CX3CR1: variants seen among roughly 807,000 people sequenced by gnomAD.
The protein encoded by CX3CR1 is C-X3-C motif chemokine receptor 1, also known as CX3C chemokine receptor 1.
For missense variants in CX3CR1, 363 were observed against 432.4 expected, an observed-to-expected ratio of 0.84 and a Z score of 1.42; for synonymous variants, 168 against 178.5, an observed-to-expected ratio of 0.94 and a Z score of 0.47.
upstream of CX3CR1, among the ~76,000 whole-genome samples, chr3:39,282,547 C>T (rs183158507): frequency 1.3e-5 from 2 of 152,268 alleles, no homozygotes; most frequent in Admixed American, 6.5e-5. Context: ...GGAGGCCAGA[C>T]AGAGAGGCTG....
At chr3:39,280,748 T>C (rs1267144674), upstream of CX3CR1, among the ~76,000 whole-genome samples, 1 of 152,200 alleles carries the variant, frequency 6.6e-6, no homozygotes, top group African/African-American at 2.4e-5. Context: ...CCTGCCACTC[T>C]TGCCCTGCAG....
intron 1 of CX3CR1, among the ~76,000 whole-genome samples, chr3:39,268,128 G>A (rs2040727655): frequency 6.6e-6 from 1 of 152,194 alleles, no homozygotes; most frequent in Non-Finnish European, 1.5e-5. Context: ...GGCCCACCCA[G>A]CCAGGGTGTG....
intron 1 of CX3CR1, among the ~76,000 whole-genome samples, chr3:39,269,476 A>T (rs932611542): frequency 1.3e-5 from 2 of 152,230 alleles, no homozygotes; most frequent in Non-Finnish European, 2.9e-5. Context: ...TGTCTTCTCA[A>T]TGGGGAAAAT....
At chr3:39,274,481 C>CAA (rs10663570) in intron 1 of CX3CR1, among the ~76,000 whole-genome samples, 49,064 of 88,032 alleles carry the variant, frequency 0.56, 14,129 homozygotes, top group East Asian at 0.73. Flanking sequence ...CAACCACCAC[C>CAA]AAAAAAAAAA....
chr3:39,278,393 G>A (rs939191738), intron 1 of CX3CR1, among the ~76,000 whole-genome samples: 38 of 152,104 alleles, frequency 2.5e-4, no homozygotes, highest in Middle Eastern at 3.2e-3. Context: ...CATTCCCAGG[G>A]GTTTTGAACC....
At chr3:39,271,737 G>A (rs1398333679) in intron 1 of CX3CR1, among the ~76,000 whole-genome samples, 1 of 152,194 alleles carries the variant, frequency 6.6e-6, no homozygotes, top group African/African-American at 2.4e-5. Context: ...GCATGTGAAG[G>A]CACCATTTAC....
chr3:39,278,107 A>T (rs1327825672), intron 1 of CX3CR1, among the ~76,000 whole-genome samples: 2 of 152,160 alleles, frequency 1.3e-5, no homozygotes, highest in African/African-American at 4.8e-5. Flanking sequence ...TCATTCCTTC[A>T]TTCCAAAGCC....
At chr3:39,272,648 T>C (rs570855220) in intron 1 of CX3CR1, among the ~76,000 whole-genome samples, 10 of 152,354 alleles carry the variant, frequency 6.6e-5, no homozygotes, top group African/African-American at 2.4e-4. Flanking sequence ...GTTTTTACCC[T>C]CCTGGTCTCT....
upstream of CX3CR1, among the ~76,000 whole-genome samples, chr3:39,280,829 C>T (rs1324589580): frequency 6.6e-6 from 1 of 152,236 alleles, no homozygotes; most frequent in Non-Finnish European, 1.5e-5. Flanking sequence ...GGGGCGACTG[C>T]AACGTGAATC....
At chr3:39,281,142 C>T, upstream of CX3CR1, 1 of 1,003,990 alleles carries the variant, frequency 1.0e-6, no homozygotes, top group Non-Finnish European at 1.2e-6. Flanking sequence ...CTGGGGGCTG[C>T]AGTGCAGTGC....
Position 39,265,646 on chromosome 3 carries a change from C to T in CX3CR1, c.864G>A (p.Leu288=). The T allele has an allele frequency of 6.2e-7, 1 of 1,614,208 alleles. No individual in the cohort carries two copies. Among genetic ancestry groups the T allele is most frequent in the Non-Finnish European group, 8.5e-7 (1 of 1,180,032 alleles). ...CAGCAAATGCATAGATGAGAGGATT[C>T]AGGCAACAATGGCTAAATGCAACCG... ...TETVAFSHCC[L]NPLIYAFAGE... is the part of the protein sequence containing the mutation. Residue 288 remains leucine, a synonymous_variant, in exon 2 of 2, where the codon CTG becomes CTA. Transcript: ENST00000399220.
At chr3:39,278,110 C>A (rs991921786) in intron 1 of CX3CR1, among the ~76,000 whole-genome samples, 1 of 152,168 alleles carries the variant, frequency 6.6e-6, no homozygotes, top group Non-Finnish European at 1.5e-5. Context: ...TTCCTTCATT[C>A]CAAAGCCAAG....
the CX3CR1 span, among the ~76,000 whole-genome samples, chr3:39,290,219 A>AGGAAGCAGG: frequency 2.6e-5 from 4 of 152,226 alleles, no homozygotes; most frequent in Admixed American, 2.0e-4. Flanking sequence ...GTTCTAGATC[A>AGGAAGCAGG]GGCACTGTCA....
chr3:39,273,730 C>T (rs2040806511), intron 1 of CX3CR1, among the ~76,000 whole-genome samples: 1 of 152,300 alleles, frequency 6.6e-6, no homozygotes, highest in South Asian at 2.1e-4. Flanking sequence ...CCTTGAACTC[C>T]TGGGATGTAG....
chr3:39,280,810 G>A (rs1405764023), upstream of CX3CR1, among the ~76,000 whole-genome samples: 3 of 152,182 alleles, frequency 2.0e-5, no homozygotes, highest in Non-Finnish European at 4.4e-5. Flanking sequence ...TCCCTGGCCT[G>A]GCCAGCTTGG....
In CX3CR1 at chr3:39,264,594, C is replaced by A. The variant is rs1241989970; in HGVS notation, c.*848G>T. The A allele has an allele frequency of 6.6e-6, 1 of 152,222 alleles. No homozygotes were observed. The highest frequency in any genetic ancestry group is 1.5e-5 in the Non-Finnish European group (1 of 68,092). 9.4% of individuals were successfully genotyped at this position (152,222 alleles called of 1,614,324 possible). Reference sequence around the variant, plus strand: ...GGCAATGGGGAATCTATTGGTAGGACCCCATGGTGGACGTATGAGAAGCCA... The same window carrying A: ...GGCAATGGGGAATCTATTGGTAGGAACCCATGGTGGACGTATGAGAAGCCA... On this transcript the variant is annotated 3_prime_UTR_variant, in exon 2 of 2. Coordinates refer to ENST00000399220, the MANE Select transcript of CX3CR1 (RefSeq NM_001337.4).
upstream of CX3CR1, among the ~76,000 whole-genome samples, chr3:39,284,383 A>G (rs1045163399): frequency 6.6e-6 from 1 of 152,164 alleles, no homozygotes; most frequent in African/African-American, 2.4e-5. Context: ...GCTGGTCACG[A>G]ACTCCTGACC....
the CX3CR1 span, among the ~76,000 whole-genome samples, chr3:39,292,495 AG>A: frequency 2.0e-5 from 3 of 152,230 alleles, no homozygotes; most frequent in African/African-American, 7.2e-5. Flanking sequence ...CCTGCAAAGC[AG>A]GGTTTTTTAG....
intron 1 of CX3CR1, chr3:39,266,726 G>A (rs545477282): frequency 6.2e-5 from 47 of 754,368 alleles, no homozygotes; most frequent in African/African-American, 3.2e-4. Flanking sequence ...CAGGAGAGGC[G>A]GACTCCTTTG....
Sources: gnomAD v4.1 joint callset for allele counts (sites outside exome capture counted in the v4.1 genomes callset) on GRCh38, gnomAD v4.1.1 for gene constraint, MANE v1.5 for transcripts, NCBI Gene and HGNC (gene_info 2026-07-23, HGNC 2026-07-21) for gene names.